Variants in PCDHGA6 observed in about 807,000 individuals in gnomAD.
PCDHGA6 encodes protocadherin gamma subfamily A, 6.
Under a neutral mutation model 60.6 loss-of-function variants are expected in PCDHGA6, and 41 were observed. The ratio of observed to expected loss-of-function variants is 0.68; its 90% CI spans 0.53 to 0.88. The LOEUF (loss-of-function observed/expected upper bound fraction) is 0.88. Ranked by LOEUF, PCDHGA6 falls within the 40% of genes least tolerant of loss-of-function variation. The pLI, the probability that PCDHGA6 is intolerant of heterozygous loss-of-function variation, is 0.00. For synonymous variants in PCDHGA6, 594 were observed against 524.4 expected (o/e 1.13, Z -1.81); for missense variants, 1,312 against 1,203.0 (o/e 1.09, Z -1.34).
rs201073884 is a variant in PCDHGA6 at position 141,486,264 on chromosome 5, A to C, written c.2425-8543A>C. On this transcript the variant is annotated intron_variant, in intron 1 of 3. Coordinates refer to ENST00000517434, the MANE Select transcript of PCDHGA6 (RefSeq NM_018919.3). This position sits in a 1 kb window ranked among gnomAD's most constrained non-coding sequence, Gnocchi z 5.0. The stretch of plus-strand genomic sequence containing the variant: ...CTTGGAACCCTCCCCGAGAGTGCAG[A>C]ACCTGGCACTGTGGTGGCACTTATC... 8 of 1,614,032 alleles carry C rather than the reference A, an allele frequency of 5.0e-6. No individual in the cohort carries two copies. The East Asian group carries it at 1.6e-4, about 31-fold the overall frequency.
At chr5:141,478,725 A>C (rs2099473537) in intron 1 of PCDHGA6, 1 of 1,542,096 alleles carries the variant, frequency 6.5e-7, no homozygotes. Flanking sequence ...GGCCTGCCAG[A>C]GTGTGGTTTG....
intron 1 of PCDHGA6, chr5:141,410,721 A>G (rs2154543206): frequency 1.5e-5 from 21 of 1,395,496 alleles, no homozygotes; most frequent in Non-Finnish European, 2.0e-5. Context: ...ATATGTTTAA[A>G]ATCCATAGCT....
At chr5:141,430,680 C>G (rs990086941) in intron 1 of PCDHGA6, 8 of 1,343,124 alleles carry the variant, frequency 6.0e-6, no homozygotes, top group Non-Finnish European at 8.0e-6. Context: ...TCCCAACTGT[C>G]CCATTCTATG....
intron 1 of PCDHGA6, among the ~76,000 whole-genome samples, chr5:141,462,745 TATG>T (rs1249238113): frequency 6.6e-6 from 1 of 152,262 alleles, no homozygotes; most frequent in Non-Finnish European, 1.5e-5. Flanking sequence ...CTGTAATTCC[TATG>T]ATGATTTTCT....
Position 141,491,984 on chromosome 5 carries a change from C to G in PCDHGA6, c.2425-2823C>G. 1.4e-6 allele frequency: 1 copy of G among 734,256 alleles called. No homozygotes were observed. The highest frequency in any genetic ancestry group is 3.2e-5 in the East Asian group (1 of 31,678). The allele number at this position is 734,256 out of a possible 1,614,324, so 45.5% of individuals were successfully genotyped here. ...AAGGCCGGGGCCTCCTTCGAGCTTC[C>G]GGTGAATTTCGGGCGATTTCCGCGG... On this transcript the variant is annotated intron_variant, in intron 1 of 3. Coordinates refer to ENST00000517434, the MANE Select transcript of PCDHGA6 (RefSeq NM_018919.3). The surrounding 1 kb of genome is among the most constrained non-coding windows in gnomAD (Gnocchi z 6.9).
At chr5:141,435,103 G>A (rs1468698388) in intron 1 of PCDHGA6, among the ~76,000 whole-genome samples, 2 of 151,914 alleles carry the variant, frequency 1.3e-5, no homozygotes, top group African/African-American at 2.4e-5. Flanking sequence ...TTTATCTAGG[G>A]GGGAGAAATC....
At chr5:141,451,557 G>T (rs192150041) in intron 1 of PCDHGA6, among the ~76,000 whole-genome samples, 2 of 152,234 alleles carry the variant, frequency 1.3e-5, no homozygotes, top group East Asian at 3.9e-4. Context: ...TGTGATGAAA[G>T]CCACAATCTT....
intron 2 of PCDHGA6, among the ~76,000 whole-genome samples, chr5:141,503,940 C>G (rs890249753): frequency 6.6e-6 from 1 of 152,218 alleles, no homozygotes; most frequent in Non-Finnish European, 1.5e-5. Flanking sequence ...TTCATGCCTT[C>G]AAGGCCTACC....
intron 1 of PCDHGA6, chr5:141,395,512 A>C: frequency 4.7e-6 from 2 of 421,514 alleles, no homozygotes; most frequent in Non-Finnish European, 8.4e-6. Flanking sequence ...AGAAGTAGCT[A>C]CCCGTCCATA....
Position 141,489,092 on chromosome 5 carries a change from A to AATT in PCDHGA6, c.2425-5714_2425-5713insTTA. 2.9e-6 allele frequency: 1 copy of AATT among 348,332 alleles called. No individual in the cohort carries two copies. Among genetic ancestry groups the AATT allele is most frequent in the Non-Finnish European group, 4.7e-6 (1 of 214,538 alleles). 21.6% of individuals were successfully genotyped at this position (348,332 alleles called of 1,614,324 possible). A position where few individuals can be genotyped will look rare whatever the true frequency, so the allele number is the denominator to read the frequency against. On this transcript the variant is annotated intron_variant, in intron 1 of 3. Transcript: ENST00000517434. This position sits in a 1 kb window ranked among gnomAD's most constrained non-coding sequence, Gnocchi z 4.5. Reference sequence around the variant, plus strand: ...TGCCCACCCCCGCCACTCGGTGACTAAGAACTGCTGCAAGCAGGCAAACCT... The same window carrying AATT: ...TGCCCACCCCCGCCACTCGGTGACTAATTAGAACTGCTGCAAGCAGGCAAACCT...
chr5:141,482,611 G>C (rs1016481108), intron 1 of PCDHGA6, among the ~76,000 whole-genome samples: 4 of 150,398 alleles, frequency 2.7e-5, no homozygotes, highest in Non-Finnish European at 5.9e-5. Context: ...ACACCTAAAT[G>C]AGCCTGGAGA....
At position 141,393,057 on chromosome 5, in the gene PCDHGA6, G is replaced by C. The variant is rs1273747847; in HGVS notation, c.2424+16550G>C. 9 of 1,613,514 alleles carry C rather than the reference G, an allele frequency of 5.6e-6. No homozygotes were observed. The highest frequency in any genetic ancestry group is 2.2e-5 in the South Asian group (2 of 91,064). ...GCTCTTTGCTCTGAACCCGCGCAGC[G>C]GCAGCTTGATCACCGCGGGCAGGAT... On this transcript the variant is annotated intron_variant, in intron 1 of 3. Coordinates refer to ENST00000517434, the MANE Select transcript of PCDHGA6 (RefSeq NM_018919.3).
At position 141,450,006 on chromosome 5, in the gene PCDHGA6, C is replaced by CTTTTT. The variant is rs1554136305; in HGVS notation, c.2425-44787_2425-44783dup. ...CACATTGCATTTAGTTGCCATGTCTCTTTTTTTTTTTTTTTTTTGAGACAG... is the reference window on the plus strand; with the variant it reads ...CACATTGCATTTAGTTGCCATGTCTCTTTTTTTTTTTTTTTTTTTTTTTGAGACAG... On this transcript the variant is annotated intron_variant, in intron 1 of 3. Transcript: ENST00000517434. Among the ~76,000 whole-genome samples the CTTTTT allele has an allele frequency of 3.4e-4, 45 of 132,908 alleles. 3 individuals carry two copies. Among genetic ancestry groups the CTTTTT allele is most frequent in the South Asian group, 7.1e-4 (3 of 4,236 alleles). 87.2% of individuals were successfully genotyped at this position (132,908 alleles called of 152,430 possible).
chr5:141,422,833 C>T, intron 1 of PCDHGA6: 2 of 1,614,224 alleles, frequency 1.2e-6, no homozygotes, highest in East Asian at 2.2e-5. Context: ...AGTGATAGCA[C>T]GTGACAGCGG....
At position 141,409,758 on chromosome 5, in the gene PCDHGA6, C is replaced by A. The variant is rs763902801; in HGVS notation, c.2424+33251C>A. Reference sequence around the variant, plus strand: ...AGCGGGGTGGTGTTCGCGCAGCGCGCCTTTGATCACGAGCAGCTGCGCGCC... The same window carrying A: ...AGCGGGGTGGTGTTCGCGCAGCGCGACTTTGATCACGAGCAGCTGCGCGCC... On this transcript the variant is annotated intron_variant, in intron 1 of 3. Transcript: ENST00000517434. 4 of 1,612,868 alleles carry A rather than the reference C, an allele frequency of 2.5e-6. No homozygotes were observed. In the African/African-American group the frequency reaches 4.0e-5, roughly 16 times the overall value.
intron 1 of PCDHGA6, among the ~76,000 whole-genome samples, chr5:141,474,120 T>C (rs2099343213): frequency 6.6e-6 from 1 of 151,910 alleles, no homozygotes; most frequent in Non-Finnish European, 1.5e-5. Flanking sequence ...ACAACGAAAA[T>C]CTCAGAAAAC....
At chr5:141,409,352 T>G in intron 1 of PCDHGA6, 1 of 1,613,980 alleles carries the variant, frequency 6.2e-7, no homozygotes, top group Non-Finnish European at 8.5e-7. Flanking sequence ...AGAAGTCAGG[T>G]GTAATATAGA....
At chr5:141,398,819 A>C (rs571120530) in intron 1 of PCDHGA6, 1 of 1,613,994 alleles carries the variant, frequency 6.2e-7, no homozygotes, top group East Asian at 2.2e-5. Flanking sequence ...CTCCGGATCC[A>C]GGTAACCGAC....
At chr5:141,498,958 A>T (rs1200201746) in intron 2 of PCDHGA6, among the ~76,000 whole-genome samples, 2 of 123,248 alleles carry the variant, frequency 1.6e-5, no homozygotes, top group Admixed American at 1.8e-4. Flanking sequence ...AAAGAGAGAG[A>T]GGGAGGGAGG....
Sources: allele counts gnomAD v4.1 joint callset (sites outside exome capture counted in the v4.1 genomes callset), GRCh38; gene constraint gnomAD v4.1.1; non-coding constraint Gnocchi (gnomAD v3.1); transcripts MANE v1.5; gene names NCBI Gene and HGNC (gene_info 2026-07-23, HGNC 2026-07-21).